ABCB1: variants seen among roughly 807,000 people sequenced by gnomAD.
The protein encoded by ABCB1 is ATP binding cassette subfamily B member 1, also known as ATP-dependent translocase ABCB1.
A neutral mutation model predicts 142.0 loss-of-function variants in ABCB1; 69 were observed. That is an observed-to-expected ratio of 0.49 (90% CI 0.40 to 0.59). The LOEUF (loss-of-function observed/expected upper bound fraction) is 0.59, where lower values mean the gene tolerates loss of function less well. Ranked by LOEUF, ABCB1 falls within the 20% of genes least tolerant of loss-of-function variation. The pLI, the probability that ABCB1 is intolerant of heterozygous loss-of-function variation, is 0.00. For synonymous variants in ABCB1, 532 were observed against 539.2 expected (o/e 0.99, Z 0.18); for missense variants, 1,326 against 1,554.7 (o/e 0.85, Z 2.47).
chr7:87,529,396 G>A (rs1399445381), intron 21 of ABCB1, among the ~76,000 whole-genome samples: 4 of 152,132 alleles, frequency 2.6e-5, no homozygotes, highest in African/African-American at 9.7e-5. Flanking sequence ...ATGTGGACTG[G>A]TTGGTGCAGA....
chr7:87,567,120 T>C (rs1468848690), intron 5 of ABCB1, 144 bp from the exon 6 acceptor site: 2 of 764,854 alleles, frequency 2.6e-6, no homozygotes, highest in African/African-American at 1.7e-5. Context: ...ACAAGCAGAG[T>C]TGATAGTCAC....
intron 21 of ABCB1, 50 bp from the exon 22 acceptor site, chr7:87,520,926 G>T: frequency 7.4e-7 from 1 of 1,354,422 alleles, no homozygotes; most frequent in African/African-American, 1.4e-5. Flanking sequence ...AAATAGTGGT[G>T]ATTAATTTGA....
At chr7:87,617,853 C>T (rs977590803) in intron 1 of ABCB1, among the ~76,000 whole-genome samples, 1 of 152,088 alleles carries the variant, frequency 6.6e-6, no homozygotes, top group Non-Finnish European at 1.5e-5. Context: ...GATCAGTGAG[C>T]CTGTGAATAA....
At chr7:87,675,100 C>T (rs1271927572) in intron 1 of ABCB1, among the ~76,000 whole-genome samples, 2 of 152,190 alleles carry the variant, frequency 1.3e-5, no homozygotes, top group African/African-American at 2.4e-5. Context: ...CGGGCCGCTC[C>T]TCACTTGTTC....
chr7:87,512,412 T>C (rs1433048277), intron 25 of ABCB1, among the ~76,000 whole-genome samples: 1 of 152,204 alleles, frequency 6.6e-6, no homozygotes, highest in African/African-American at 2.4e-5. Context: ...GGCCAAACCC[T>C]AGCCTACTTG....
At chr7:87,712,408 C>A (rs1033131436) in intron 1 of ABCB1, among the ~76,000 whole-genome samples, 1 of 151,924 alleles carries the variant, frequency 6.6e-6, no homozygotes, top group Non-Finnish European at 1.5e-5. Flanking sequence ...AACAAAGAAT[C>A]GTATCAGAAT....
upstream of ABCB1, among the ~76,000 whole-genome samples, chr7:87,605,581 G>T (rs1375147373): frequency 6.6e-6 from 1 of 152,168 alleles, no homozygotes; most frequent in East Asian, 1.9e-4. Context: ...GAAGACAACT[G>T]AGTAAGATAA....
intron 1 of ABCB1, among the ~76,000 whole-genome samples, chr7:87,657,962 A>T (rs1433113385): frequency 6.6e-6 from 1 of 152,188 alleles, no homozygotes; most frequent in Non-Finnish European, 1.5e-5. Flanking sequence ...TTTAAATAAG[A>T]TCCAGAGTTT....
chr7:87,600,143 C>A lies in ABCB1; in HGVS notation c.42G>T (p.Lys14Asn), dbSNP rs1390637727. The A allele has an allele frequency of 1.2e-6, 2 of 1,613,548 alleles. No individual in the cohort carries two copies. Among genetic ancestry groups the A allele is most frequent in the Non-Finnish European group, 8.5e-7 (1 of 1,179,772 alleles). Reference protein sequence around the residue: ...EGDRNGGAKKKNFFKLNNKSE... With the variant: ...EGDRNGGAKKNNFFKLNNKSE... Reference sequence around the variant, plus strand: ...TTTTATTGTTCAGTTTAAAAAAGTTCTTCTTCTTTGCTCCTCCATTGCGGT... The same window carrying A: ...TTTTATTGTTCAGTTTAAAAAAGTTATTCTTCTTTGCTCCTCCATTGCGGT... The change falls in exon 2 of 28, where the codon AAG (lysine) becomes AAT (asparagine). Residue 14 changes from lysine (K) to asparagine (N), a missense_variant. Lys to Asn is a moderately conservative substitution (Grantham distance 94). Coordinates refer to ENST00000622132, the MANE Select transcript of ABCB1 (RefSeq NM_001348946.2).
chr7:87,566,052 T>A lies in ABCB1; in HGVS notation c.702+18A>T. On this transcript the variant is annotated intron_variant, in intron 7 of 27. Transcript: ENST00000622132. ...GAGAAGGTGCAGTTCAAAATCTGGA[T>A]TCACAGGCTTCACCTACCTTTGCCC... is the stretch of plus-strand genomic sequence containing the variant. 1.9e-6 allele frequency: 3 copies of A among 1,614,056 alleles called. No individual in the cohort carries two copies. Among genetic ancestry groups the A allele is most frequent in the Non-Finnish European group, 1.7e-6 (2 of 1,179,948 alleles).
At chr7:87,653,828 G>A (rs1010980818) in intron 1 of ABCB1, among the ~76,000 whole-genome samples, 1 of 151,854 alleles carries the variant, frequency 6.6e-6, no homozygotes, top group Non-Finnish European at 1.5e-5. Context: ...TGATTTGTTA[G>A]TATTGCTCTT....
chr7:87,566,300 G>T, intron 6 of ABCB1, 59 bp from the exon 7 acceptor site: 1 of 1,547,600 alleles, frequency 6.5e-7, no homozygotes, highest in Non-Finnish European at 8.9e-7. Context: ...AACTTTTCTC[G>T]TGAAGCCTGT....
chr7:87,597,777 T>C (rs1412870046), intron 2 of ABCB1, among the ~76,000 whole-genome samples: 1 of 152,138 alleles, frequency 6.6e-6, no homozygotes, highest in Non-Finnish European at 1.5e-5. Context: ...CATTATCACA[T>C]CTAAGAAAAG....
intron 24 of ABCB1, among the ~76,000 whole-genome samples, chr7:87,515,952 T>C (rs1016621075): frequency 1.3e-5 from 2 of 152,162 alleles, no homozygotes; most frequent in Non-Finnish European, 2.9e-5. Flanking sequence ...TTTCATAGCA[T>C]GTATTGTTAA....
rs1255424725 is a variant in ABCB1, at chr7:87,504,694, A to G, written c.3637-245T>C. Reference sequence around the variant, plus strand: ...GTGGTGGGTGCCTGTAGTCCCAGCTAGTCGGGAGGCTGAGGCAGGAGAATG... The same window carrying G: ...GTGGTGGGTGCCTGTAGTCCCAGCTGGTCGGGAGGCTGAGGCAGGAGAATG... On this transcript the variant is annotated intron_variant, in intron 27 of 27. Transcript: ENST00000622132. 6.6e-5 allele frequency among the ~76,000 whole-genome samples: 10 copies of G among 151,560 alleles called. No homozygotes were observed. In the East Asian group the frequency reaches 1.6e-3, roughly 24 times the overall value.
intron 1 of ABCB1, among the ~76,000 whole-genome samples, chr7:87,616,260 C>A (rs955148135): frequency 1.3e-5 from 2 of 152,134 alleles, no homozygotes; most frequent in African/African-American, 4.8e-5. Context: ...AGGCATTGGA[C>A]ATCTTGTGCA....
chr7:87,572,586 T>C (rs1051727670), intron 4 of ABCB1, among the ~76,000 whole-genome samples: 4 of 152,172 alleles, frequency 2.6e-5, no homozygotes, highest in Non-Finnish European at 5.9e-5. Context: ...TAAATAATTC[T>C]ATTATAAAGA....
At chr7:87,638,345 TTGTGTGTG>T (rs71524692) in intron 1 of ABCB1, among the ~76,000 whole-genome samples, 21 of 144,790 alleles carry the variant, frequency 1.5e-4, no homozygotes, top group East Asian at 8.2e-4. Context: ...AAGTATGTGT[TTGTGTGTG>T]TGTGTGTGTG....
intron 1 of ABCB1, among the ~76,000 whole-genome samples, chr7:87,665,964 A>G (rs1825191510): frequency 6.6e-6 from 1 of 151,984 alleles, no homozygotes; most frequent in Non-Finnish European, 1.5e-5. Flanking sequence ...ATGTGTCTTT[A>G]TGGTAGAATG....
Sources: gnomAD v4.1 joint callset for allele counts (sites outside exome capture counted in the v4.1 genomes callset) on GRCh38, gnomAD v4.1.1 for gene constraint, MANE v1.5 for transcripts, NCBI Gene and HGNC (gene_info 2026-07-23, HGNC 2026-07-21) for gene names.